RABGAP1L: variants seen among roughly 807,000 people sequenced by gnomAD.
RABGAP1L encodes rab GTPase-activating protein 1-like.
A neutral mutation model predicts 137.7 loss-of-function variants in RABGAP1L; 63 were observed. The ratio of observed to expected loss-of-function variants is 0.46; its 90% CI spans 0.37 to 0.56. RABGAP1L has a LOEUF of 0.56. RABGAP1L is among the 20% of genes least tolerant of loss of function. The pLI, the probability that RABGAP1L is intolerant of heterozygous loss-of-function variation, is 0.00. For missense variants in RABGAP1L, 1,095 were observed against 1,244.0 expected, an observed-to-expected ratio of 0.88 and a Z score of 1.80; for synonymous variants, 431 against 433.7, an observed-to-expected ratio of 0.99 and a Z score of 0.08.
chr1:174,445,687 A>G (rs773471497), intron 13 of RABGAP1L, among the ~76,000 whole-genome samples: 1 of 152,282 alleles, frequency 6.6e-6, no homozygotes, highest in East Asian at 1.9e-4. Flanking sequence ...AGACTTGGCA[A>G]ATTTTTAATA....
intron 13 of RABGAP1L, among the ~76,000 whole-genome samples, chr1:174,636,443 G>A (rs539072657): frequency 2.0e-5 from 3 of 151,546 alleles, no homozygotes; most frequent in Admixed American, 6.6e-5. Context: ...CAGGAGAATC[G>A]CTTGAACCCG....
chr1:174,179,711 AAAAGC>A (rs1483246725), intron 1 of RABGAP1L, among the ~76,000 whole-genome samples: 1 of 152,218 alleles, frequency 6.6e-6, no homozygotes, highest in Non-Finnish European at 1.5e-5. Context: ...GCACAGTGAA[AAAAGC>A]AAATAATGTC....
chr1:174,431,417 T>C (rs890495346), intron 13 of RABGAP1L, among the ~76,000 whole-genome samples: 1 of 152,212 alleles, frequency 6.6e-6, no homozygotes, highest in African/African-American at 2.4e-5. Context: ...CGTTGAAATT[T>C]CCTTTTCTCC....
chr1:174,542,350 A>C (rs1320903349), intron 13 of RABGAP1L, among the ~76,000 whole-genome samples: 1 of 152,156 alleles, frequency 6.6e-6, no homozygotes, highest in East Asian at 1.9e-4. Context: ...GAATTTATCC[A>C]TTTCTTCTAG....
rs1268831434 is a variant in RABGAP1L, at chr1:174,351,083, G to A, written c.1466-19896G>A. 3.0e-3 allele frequency among the ~76,000 whole-genome samples: 407 copies of A among 136,290 alleles called. 5 individuals are homozygous for A. Among genetic ancestry groups the A allele is most frequent in the Non-Finnish European group, 5.1e-3 (321 of 62,482 alleles). 89.4% of individuals were successfully genotyped at this position (136,290 alleles called of 152,430 possible). A position where few individuals can be genotyped will look rare whatever the true frequency, so the allele number is the denominator to read the frequency against. ...AGGGAGACCGTGGGGGGAGGGGGAG[G>A]GGGAGGGGGAGGGGGAGGGGTTGTT... On this transcript the variant is annotated intron_variant, in intron 11 of 25. Coordinates refer to ENST00000681986, the MANE Select transcript of RABGAP1L (RefSeq NM_001366446.1).
chr1:174,743,093 G>T lies in RABGAP1L; in HGVS notation c.2170-9220G>T, dbSNP rs544153440. Reference sequence around the variant, plus strand: ...TAAGATGATGATTATTGCCAAGGAAGAAGGCTTTAATTGGGGGCTGCAGCA... The same window carrying T: ...TAAGATGATGATTATTGCCAAGGAATAAGGCTTTAATTGGGGGCTGCAGCA... On this transcript the variant is annotated intron_variant, in intron 17 of 25. Transcript: ENST00000681986. Among the ~76,000 whole-genome samples the T allele has an allele frequency of 7.2e-5, 11 of 152,298 alleles. No individual in the cohort carries two copies. In the East Asian group the frequency reaches 1.7e-3, roughly 24 times the overall value.
At chr1:174,758,914 A>C (rs1684989430) in intron 18 of RABGAP1L, among the ~76,000 whole-genome samples, 1 of 151,902 alleles carries the variant, frequency 6.6e-6, no homozygotes, top group African/African-American at 2.4e-5. Flanking sequence ...GTTATCCTTA[A>C]CTCTCTTCTC....
At chr1:174,728,089 C>A (rs1296661865) in intron 17 of RABGAP1L, among the ~76,000 whole-genome samples, 1 of 152,160 alleles carries the variant, frequency 6.6e-6, no homozygotes, top group Non-Finnish European at 1.5e-5. Flanking sequence ...GAATTATATT[C>A]AAAACCCAGT....
At chr1:174,446,030 T>C (rs1194837483) in intron 13 of RABGAP1L, among the ~76,000 whole-genome samples, 1 of 152,192 alleles carries the variant, frequency 6.6e-6, no homozygotes, top group Non-Finnish European at 1.5e-5. Flanking sequence ...GTGCTGTTGA[T>C]TGGGGCAGGA....
In RABGAP1L at chr1:174,448,805, C is replaced by A. The variant is rs1316077077; in HGVS notation, c.1710+54660C>A. Reference sequence around the variant, plus strand: ...CTTCCACATTTTCAAAATTTGCCGTCAGCACACCAAAGAGATAAATGACCG... The same window carrying A: ...CTTCCACATTTTCAAAATTTGCCGTAAGCACACCAAAGAGATAAATGACCG... On this transcript the variant is annotated intron_variant, in intron 13 of 25. Coordinates refer to ENST00000681986, the MANE Select transcript of RABGAP1L (RefSeq NM_001366446.1). This position sits in a 1 kb window ranked among gnomAD's most constrained non-coding sequence, Gnocchi z 4.2. The A allele has an allele frequency of 5.0e-6, 8 of 1,613,930 alleles. No homozygotes were observed. Among genetic ancestry groups the A allele is most frequent in the Non-Finnish European group, 6.8e-6 (8 of 1,179,970 alleles).
Position 174,182,267 on chromosome 1 carries a change from G to T in RABGAP1L, c.-34+22610G>T, listed in dbSNP as rs1558009839. Reference sequence around the variant, plus strand: ...AAAATGAAATATGCATTAAGGAGATGAAGCATAGGCTTTCTAAGCTAATTA... The same window carrying T: ...AAAATGAAATATGCATTAAGGAGATTAAGCATAGGCTTTCTAAGCTAATTA... On this transcript the variant is annotated intron_variant, in intron 1 of 25. Transcript: ENST00000681986. Among the ~76,000 whole-genome samples, 3 of 152,314 alleles carry T rather than the reference G, an allele frequency of 2.0e-5. No homozygotes were observed. The South Asian group carries it at 6.2e-4, about 32-fold the overall frequency.
At chr1:174,973,171 TC>T (rs993827896) in intron 21 of RABGAP1L, among the ~76,000 whole-genome samples, 4 of 152,140 alleles carry the variant, frequency 2.6e-5, no homozygotes, top group Non-Finnish European at 5.9e-5. Flanking sequence ...ACTGGACTCT[TC>T]CCTATAGGAC....
Position 174,529,361 on chromosome 1 carries a change from G to A in RABGAP1L, c.1711-108014G>A, listed in dbSNP as rs142221268. Among the ~76,000 whole-genome samples, 1,035 of 152,180 alleles carry A rather than the reference G, an allele frequency of 6.8e-3. 13 individuals carry two copies. Among genetic ancestry groups the A allele is most frequent in the African/African-American group, 0.023 (974 of 41,510 alleles). ...TTTAGGACACTTTGGCTTTGATTCT[G>A]GGTGCAGGCTAGTAGTATAATCTTT... On this transcript the variant is annotated intron_variant, in intron 13 of 25. Coordinates refer to ENST00000681986, the MANE Select transcript of RABGAP1L (RefSeq NM_001366446.1).
intron 7 of RABGAP1L, among the ~76,000 whole-genome samples, chr1:174,256,939 T>G (rs1464057683): frequency 6.6e-6 from 1 of 152,240 alleles, no homozygotes; most frequent in Non-Finnish European, 1.5e-5. Context: ...GCCTTCTCTC[T>G]ACATTTTGTA....
rs571286790 is a variant in RABGAP1L at position 174,191,747 on chromosome 1, C to T, written c.-33-27378C>T. Reference sequence around the variant, plus strand: ...TTACTGCCCTGATGGTTTTTATTAGCCAGTGCGTAGAGAATAATGCTAGAA... The same window carrying T: ...TTACTGCCCTGATGGTTTTTATTAGTCAGTGCGTAGAGAATAATGCTAGAA... On this transcript the variant is annotated intron_variant, in intron 1 of 25. Transcript: ENST00000681986. 1.2e-4 allele frequency among the ~76,000 whole-genome samples: 19 copies of T among 152,190 alleles called. No homozygotes were observed. The East Asian group carries it at 3.5e-3, about 28-fold the overall frequency.
chr1:174,320,704 T>G (rs1331578243), intron 11 of RABGAP1L, among the ~76,000 whole-genome samples: 1 of 152,238 alleles, frequency 6.6e-6, no homozygotes, highest in Admixed American at 6.5e-5. Flanking sequence ...CATTTATCAC[T>G]TCCCCAGTCA....
intron 7 of RABGAP1L, among the ~76,000 whole-genome samples, chr1:174,262,135 TAGAA>T (rs954947623): frequency 5.9e-5 from 9 of 152,216 alleles, no homozygotes; most frequent in African/African-American, 2.2e-4. Context: ...TGACAATTGA[TAGAA>T]AGCTATTGGC....
chr1:174,666,386 C>T (rs1225989686), intron 14 of RABGAP1L, among the ~76,000 whole-genome samples: 6 of 152,264 alleles, frequency 3.9e-5, no homozygotes, highest in South Asian at 4.2e-4. Context: ...CTCTTCTCAG[C>T]GTTGCTATTC....
At chr1:174,596,663 A>G (rs1159001599) in intron 13 of RABGAP1L, among the ~76,000 whole-genome samples, 1 of 152,160 alleles carries the variant, frequency 6.6e-6, no homozygotes, top group African/African-American at 2.4e-5. Context: ...ATCTGCAAAG[A>G]AGGATAATTT....
Sources: gnomAD v4.1 joint callset for allele counts (sites outside exome capture counted in the v4.1 genomes callset) on GRCh38, gnomAD v4.1.1 for gene constraint, Gnocchi (gnomAD v3.1) non-coding constraint, MANE v1.5 for transcripts, NCBI Gene and HGNC (gene_info 2026-07-23, HGNC 2026-07-21) for gene names.